Variants in PAPPA2 observed in about 807,000 individuals in gnomAD.
PAPPA2 encodes pappalysin 2.
In PAPPA2, 86 loss-of-function variants were observed where a neutral mutation model predicts 176.4. That is an observed-to-expected ratio of 0.49 (90% CI 0.41 to 0.58). The LOEUF is 0.58. PAPPA2 is among the 20% of genes least tolerant of loss of function. The pLI is 0.00. For synonymous variants in PAPPA2, 809 were observed against 852.2 expected (o/e 0.95, Z 0.88); for missense variants, 2,073 against 2,256.9 (o/e 0.92, Z 1.65).
intron 1 of PAPPA2, among the ~76,000 whole-genome samples, chr1:176,497,626 T>A (rs987920804): frequency 2.6e-5 from 4 of 152,188 alleles, no homozygotes; most frequent in African/African-American, 9.6e-5. Context: ...TTTGTGGCTC[T>A]TTTTGGAAAA....
chr1:176,605,609 C>G (rs550576716), intron 3 of PAPPA2, among the ~76,000 whole-genome samples: 1 of 152,310 alleles, frequency 6.6e-6, no homozygotes, highest in South Asian at 2.1e-4. Context: ...AGATTTATAT[C>G]CTATTGACAG....
chr1:176,557,081 C>T lies in PAPPA2; in HGVS notation c.759C>T (p.Thr253=), dbSNP rs549858516. Residue 253 remains threonine (T), a synonymous_variant, in exon 2 of 23, where the codon ACC becomes ACT. Coordinates refer to ENST00000367662, the MANE Select transcript of PAPPA2 (RefSeq NM_020318.3). ...GGEGSYREAE[T]FNSQVGLPIL... The stretch of plus-strand genomic sequence containing the variant: ...AGGGCTCCTACCGAGAAGCAGAGAC[C>T]TTTAACTCCCAAGTAGGACTGCCCA... 65 of 1,613,982 alleles carry T rather than the reference C, an allele frequency of 4.0e-5. No homozygotes were observed. In the East Asian group the frequency reaches 5.8e-4, roughly 14 times the overall value.
chr1:176,830,067 A>G (rs61821307), intron 21 of PAPPA2, among the ~76,000 whole-genome samples: 14,660 of 152,184 alleles, frequency 0.096, 838 homozygotes, highest in African/African-American at 0.15. Context: ...TGGGAGGCAA[A>G]GGGACAAGAT....
chr1:176,513,382 A>G (rs1648732366), intron 1 of PAPPA2, among the ~76,000 whole-genome samples: 1 of 152,106 alleles, frequency 6.6e-6, no homozygotes, highest in African/African-American at 2.4e-5. Flanking sequence ...CAACACAAGC[A>G]CAAAGCTTTT....
At chr1:176,601,308 C>T (rs1366972894) in intron 3 of PAPPA2, among the ~76,000 whole-genome samples, 1 of 152,028 alleles carries the variant, frequency 6.6e-6, no homozygotes, top group Non-Finnish European at 1.5e-5. Context: ...CTCTTTTTTT[C>T]ATAAATTACC....
intron 1 of PAPPA2, among the ~76,000 whole-genome samples, chr1:176,546,084 T>C (rs1650619653): frequency 6.6e-6 from 1 of 152,212 alleles, no homozygotes; most frequent in South Asian, 2.1e-4. Context: ...TATGGACAGG[T>C]TGTACTGTAG....
At chr1:176,613,754 G>A (rs207460677) in intron 3 of PAPPA2, among the ~76,000 whole-genome samples, 3 of 152,066 alleles carry the variant, frequency 2.0e-5, no homozygotes, top group Non-Finnish European at 4.4e-5. Flanking sequence ...GAAAAATAAG[G>A]AACATGATCA....
intron 4 of PAPPA2, among the ~76,000 whole-genome samples, chr1:176,687,111 A>G (rs996639894): frequency 2.0e-5 from 3 of 152,204 alleles, no homozygotes; most frequent in African/African-American, 7.2e-5. Context: ...GTTAACACAC[A>G]TGTAGTTACT....
At chr1:176,688,227 T>C (rs953514787) in intron 4 of PAPPA2, among the ~76,000 whole-genome samples, 1 of 151,956 alleles carries the variant, frequency 6.6e-6, no homozygotes, top group Non-Finnish European at 1.5e-5. Context: ...AGAAGTGTGG[T>C]GGAGGAAAAA....
chr1:176,480,571 G>A (rs1433609040), intron 1 of PAPPA2, among the ~76,000 whole-genome samples: 1 of 152,142 alleles, frequency 6.6e-6, no homozygotes. Flanking sequence ...TGGGGAAGGG[G>A]ATAGGCAGGG....
chr1:176,747,226 A>G (rs1276003418), intron 14 of PAPPA2, among the ~76,000 whole-genome samples: 1 of 152,252 alleles, frequency 6.6e-6, no homozygotes, highest in South Asian at 2.1e-4. Flanking sequence ...TAATCAAATA[A>G]CAGCTGTATT....
chr1:176,538,388 G>A (rs74543285), intron 1 of PAPPA2, among the ~76,000 whole-genome samples: 368 of 152,316 alleles, frequency 2.4e-3, no homozygotes, highest in African/African-American at 8.2e-3. Context: ...TGGAAATGAA[G>A]ATGTGGGGAG....
intron 12 of PAPPA2, among the ~76,000 whole-genome samples, chr1:176,731,308 A>G (rs753816345): frequency 6.6e-6 from 1 of 151,832 alleles, no homozygotes; most frequent in Non-Finnish European, 1.5e-5. Flanking sequence ...CTGTAAATAT[A>G]TATAATTTTG....
At chr1:176,542,209 T>C (rs975188569) in intron 1 of PAPPA2, among the ~76,000 whole-genome samples, 4 of 152,168 alleles carry the variant, frequency 2.6e-5, no homozygotes. Flanking sequence ...CAAAACCAAA[T>C]ATTTGCCATA....
In PAPPA2 at chr1:176,556,467, C is replaced by T. The variant is rs755182972; in HGVS notation, c.145C>T (p.Arg49Cys). Residue 49 changes from arginine (R) to cysteine (C), a missense_variant, in exon 2 of 23, where the codon CGT becomes TGT. By Grantham distance (180) the Arg-to-Cys change is radical. Around this residue, in one of 4 missense-constraint regions of PAPPA2, gnomAD observed 1,196 missense variants for 1,330.4 expected, o/e 0.90. Coordinates refer to ENST00000367662, the MANE Select transcript of PAPPA2 (RefSeq NM_020318.3). ...GAATCAGGTGCTGTTGGAAGGAGAA[C>T]GTTGTTGGCTGGGGGCCAAGGTTCG... is the stretch of plus-strand genomic sequence containing the variant. ...HLNQVLLEGE[R>C]CWLGAKVRRP... 2.0e-5 allele frequency: 33 copies of T among 1,614,182 alleles called. No homozygotes were observed. In the South Asian group the frequency reaches 2.6e-4, roughly 13 times the overall value.
At chr1:176,673,062 G>A (rs1659099439) in intron 4 of PAPPA2, among the ~76,000 whole-genome samples, 1 of 151,980 alleles carries the variant, frequency 6.6e-6, no homozygotes, top group African/African-American at 2.4e-5. Flanking sequence ...GAGGTTTCTG[G>A]GTGGGATGAG....
chr1:176,788,396 C>A (rs1366869902), intron 17 of PAPPA2, among the ~76,000 whole-genome samples: 1 of 152,130 alleles, frequency 6.6e-6, no homozygotes, highest in Non-Finnish European at 1.5e-5. Context: ...AGTTAGAAGA[C>A]AACATGCAAG....
At chr1:176,510,907 A>G (rs796568962) in intron 1 of PAPPA2, among the ~76,000 whole-genome samples, 9 of 152,030 alleles carry the variant, frequency 5.9e-5, no homozygotes, top group African/African-American at 2.2e-4. Context: ...AAACCCAATT[A>G]TAAAAACATT....
intron 21 of PAPPA2, among the ~76,000 whole-genome samples, chr1:176,819,581 T>G (rs1666572406): frequency 6.6e-6 from 1 of 152,188 alleles, no homozygotes; most frequent in Non-Finnish European, 1.5e-5. Context: ...AATGAGATAA[T>G]GTTTGTGAGG....
Sources: gnomAD v4.1 joint callset for allele counts (sites outside exome capture counted in the v4.1 genomes callset) on GRCh38, gnomAD v4.1.1 for gene constraint, gnomAD v4.1.1 regional missense constraint, MANE v1.5 for transcripts, NCBI Gene and HGNC (gene_info 2026-07-23, HGNC 2026-07-21) for gene names.